The following CRYZL1 variants were observed in gnomAD, a reference collection of about 807,000 sequenced individuals.
CRYZL1 encodes ferry endosomal RAB5 effector complex subunit 4.
In CRYZL1, 34 loss-of-function variants were observed where a neutral mutation model predicts 50.6. The ratio of observed to expected loss-of-function variants is 0.67; its 90% CI spans 0.51 to 0.89. The LOEUF is 0.89. Among genes scored for constraint, CRYZL1 ranks in the 40% least tolerant of loss-of-function variants. The pLI is 0.00. For synonymous variants in CRYZL1, 125 were observed against 134.3 expected, an observed-to-expected ratio of 0.93 and a Z score of 0.48; for missense variants, 354 against 402.3, an observed-to-expected ratio of 0.88 and a Z score of 1.03.
chr21:33,639,896 G>C (rs997744115), intron 1 of CRYZL1: 3 of 270,572 alleles, frequency 1.1e-5, no homozygotes, highest in Non-Finnish European at 2.1e-5. Context: ...CGTGATCTTG[G>C]CTCACTGTAA....
intron 2 of CRYZL1, among the ~76,000 whole-genome samples, chr21:33,626,571 C>T (rs2087066335): frequency 6.6e-6 from 1 of 151,776 alleles, no homozygotes; most frequent in Non-Finnish European, 1.5e-5. Flanking sequence ...GTTGCGCATG[C>T]CTGTAGTCCC....
chr21:33,603,560 A>C, intron 6 of CRYZL1, 23 bp from the exon 7 acceptor site: 1 of 1,613,236 alleles, frequency 6.2e-7, no homozygotes, highest in Non-Finnish European at 8.5e-7. Flanking sequence ...ACAAGAAGAA[A>C]CAATCTGTTA....
chr21:33,591,335 T>C, intron 11 of CRYZL1, 128 bp from the exon 12 acceptor site: 1 of 728,686 alleles, frequency 1.4e-6, no homozygotes, highest in Non-Finnish European at 2.4e-6. Flanking sequence ...CTCAACATGT[T>C]AAGTTAGAGA....
intron 4 of CRYZL1, among the ~76,000 whole-genome samples, chr21:33,619,502 C>T (rs574153983): frequency 6.6e-6 from 1 of 152,360 alleles, no homozygotes; most frequent in Non-Finnish European, 1.5e-5. Flanking sequence ...TTCACATAAT[C>T]ATGAAAGTAT....
chr21:33,600,761 G>A (rs1378473935), intron 8 of CRYZL1, among the ~76,000 whole-genome samples: 2 of 150,928 alleles, frequency 1.3e-5, no homozygotes, highest in Non-Finnish European at 2.9e-5. Context: ...GAGTAGCTGG[G>A]ACTACAGGTG....
intron 1 of CRYZL1, chr21:33,640,138 T>C (rs2087261314): frequency 3.7e-5 from 57 of 1,547,116 alleles, no homozygotes; most frequent in Non-Finnish European, 5.0e-5. Flanking sequence ...TATGTGTATT[T>C]TTGCTCTTCT....
intron 4 of CRYZL1, among the ~76,000 whole-genome samples, chr21:33,620,387 GA>G (rs2086980590): frequency 6.6e-6 from 1 of 152,006 alleles, no homozygotes; most frequent in Non-Finnish European, 1.5e-5. Flanking sequence ...ATCATAAAAA[GA>G]CAATATTGGT....
intron 6 of CRYZL1, among the ~76,000 whole-genome samples, chr21:33,611,118 A>G (rs541029634): frequency 1.6e-4 from 25 of 152,322 alleles, no homozygotes; most frequent in African/African-American, 4.8e-4. Context: ...AACGTACTCG[A>G]AAGAACAGGG....
At chr21:33,603,254 C>A in intron 7 of CRYZL1, 150 bp downstream of exon 7, 2 of 833,680 alleles carry the variant, frequency 2.4e-6, no homozygotes, top group South Asian at 2.0e-5. Context: ...TTGATAAAAG[C>A]TGCTTATTAT....
At chr21:33,608,124 C>T (rs1420900532) in intron 6 of CRYZL1, among the ~76,000 whole-genome samples, 1 of 152,162 alleles carries the variant, frequency 6.6e-6, no homozygotes, top group Non-Finnish European at 1.5e-5. Flanking sequence ...CTATTATTAA[C>T]TATACTCACC....
chr21:33,597,966 C>T (rs2086712968), intron 9 of CRYZL1, among the ~76,000 whole-genome samples: 1 of 152,154 alleles, frequency 6.6e-6, no homozygotes, highest in Non-Finnish European at 1.5e-5. Context: ...GAAAAAGCAA[C>T]ACACAATGTA....
At chr21:33,607,208 T>C (rs529303246) in intron 6 of CRYZL1, among the ~76,000 whole-genome samples, 2 of 152,360 alleles carry the variant, frequency 1.3e-5, no homozygotes, top group South Asian at 4.1e-4. Context: ...AGAATTACTC[T>C]ACTCTTTAAC....
chr21:33,623,995 C>G (rs772280157), intron 3 of CRYZL1, among the ~76,000 whole-genome samples: 1 of 152,002 alleles, frequency 6.6e-6, no homozygotes, highest in Non-Finnish European at 1.5e-5. Flanking sequence ...TAATTGGTAG[C>G]TAATAAACTG....
At chr21:33,604,574 T>C (rs975129413) in intron 6 of CRYZL1, among the ~76,000 whole-genome samples, 1 of 152,106 alleles carries the variant, frequency 6.6e-6, no homozygotes, top group African/African-American at 2.4e-5. Context: ...CTTTAAACTT[T>C]ATCTGAATGG....
At chr21:33,621,205 G>A (rs892258255) in intron 4 of CRYZL1, among the ~76,000 whole-genome samples, 1 of 150,068 alleles carries the variant, frequency 6.7e-6, no homozygotes, top group African/African-American at 2.5e-5. Flanking sequence ...GCGCCCGGCC[G>A]GGGTGTCCAA....
intron 3 of CRYZL1, among the ~76,000 whole-genome samples, chr21:33,622,673 G>GTT (rs2087016005): frequency 1.3e-5 from 2 of 152,150 alleles, no homozygotes; most frequent in South Asian, 4.1e-4. Context: ...CAAATTAACT[G>GTT]TAAGTACTTG....
chr21:33,619,987 T>C (rs889983688), intron 4 of CRYZL1, among the ~76,000 whole-genome samples: 1 of 152,202 alleles, frequency 6.6e-6, no homozygotes, highest in African/African-American at 2.4e-5. Context: ...TATTTGTCTC[T>C]CCCCTAGAGA....
chr21:33,603,154 CA>C (rs2086773540), intron 7 of CRYZL1: 2 of 416,934 alleles, frequency 4.8e-6, no homozygotes, highest in Admixed American at 3.6e-5. Context: ...CTTTGTCTAA[CA>C]GGAATGAATA....
chr21:33,638,482 G>A (rs2087237708), intron 1 of CRYZL1, among the ~76,000 whole-genome samples: 2 of 152,170 alleles, frequency 1.3e-5, no homozygotes, highest in Non-Finnish European at 2.9e-5. Context: ...CAAAGTGCTG[G>A]GATTACAGGC....
Sources: gnomAD v4.1 joint callset for allele counts (sites outside exome capture counted in the v4.1 genomes callset) on GRCh38, gnomAD v4.1.1 for gene constraint, MANE v1.5 for transcripts, NCBI Gene and HGNC (gene_info 2026-07-23, HGNC 2026-07-21) for gene names.